The following UNC5D variants were observed in gnomAD, a reference collection of about 807,000 sequenced individuals.
UNC5D encodes netrin receptor UNC5D.
UNC5D carries 39 observed loss-of-function variants against 105.4 expected under a neutral mutation model. That is an observed-to-expected ratio of 0.37 (90% CI 0.29 to 0.48). The LOEUF is 0.48. Ranked by LOEUF, UNC5D falls within the 20% of genes least tolerant of loss-of-function variation. The pLI is 0.98. For synonymous variants in UNC5D, 452 were observed against 450.4 expected (o/e 1.00, Z -0.04); for missense variants, 991 against 1,202.4 (o/e 0.82, Z 2.60).
chr8:35,346,225 A>G (rs1042730149), intron 1 of UNC5D, among the ~76,000 whole-genome samples: 1 of 151,998 alleles, frequency 6.6e-6, no homozygotes, highest in South Asian at 2.1e-4. Context: ...TGTGGAAACA[A>G]TCGATTTTCT....
chr8:35,460,821 A>G (rs189763081), intron 1 of UNC5D, among the ~76,000 whole-genome samples: 28 of 152,192 alleles, frequency 1.8e-4, no homozygotes, highest in African/African-American at 1.9e-4. Flanking sequence ...GCTAATTTCA[A>G]TCACCCTGAC....
At chr8:35,421,487 C>T (rs969407987) in intron 1 of UNC5D, among the ~76,000 whole-genome samples, 9 of 152,032 alleles carry the variant, frequency 5.9e-5, no homozygotes, top group Non-Finnish European at 1.2e-4. Flanking sequence ...GATATTCAGG[C>T]GATAAGTACA....
At chr8:35,607,991 C>T (rs1190985832) in intron 4 of UNC5D, among the ~76,000 whole-genome samples, 3 of 152,098 alleles carry the variant, frequency 2.0e-5, no homozygotes, top group African/African-American at 7.2e-5. Flanking sequence ...TATAAGGACA[C>T]CAGCCATTAG....
At chr8:35,422,902 C>G (rs376986141) in intron 1 of UNC5D, among the ~76,000 whole-genome samples, 1 of 152,156 alleles carries the variant, frequency 6.6e-6, no homozygotes, top group Admixed American at 6.5e-5. Flanking sequence ...AAAGTGGTCA[C>G]ATGGGTAGAT....
intron 11 of UNC5D, among the ~76,000 whole-genome samples, chr8:35,746,920 G>GT (rs112264826): frequency 2.0e-5 from 3 of 151,978 alleles, no homozygotes; most frequent in Non-Finnish European, 1.5e-5. Flanking sequence ...GAATTTTATG[G>GT]TTTTTTTCCC....
chr8:35,502,553 T>TTTTG (rs1028555294), intron 1 of UNC5D, among the ~76,000 whole-genome samples: 1 of 152,226 alleles, frequency 6.6e-6, no homozygotes, highest in Non-Finnish European at 1.5e-5. Flanking sequence ...CTCTTCGTTT[T>TTTTG]TTTGTTTGTT....
intron 2 of UNC5D, among the ~76,000 whole-genome samples, chr8:35,563,550 A>G (rs1817113569): frequency 6.6e-6 from 1 of 152,068 alleles, no homozygotes; most frequent in Non-Finnish European, 1.5e-5. Context: ...ATATAAGATC[A>G]AGTCATCTAC....
chr8:35,638,153 G>T (rs914235086), intron 4 of UNC5D, among the ~76,000 whole-genome samples: 2 of 152,166 alleles, frequency 1.3e-5, no homozygotes, highest in African/African-American at 4.8e-5. Context: ...AGTGAAAGAA[G>T]ACATGTCACC....
chr8:35,556,444 C>G (rs1816555806), intron 2 of UNC5D, among the ~76,000 whole-genome samples: 1 of 152,040 alleles, frequency 6.6e-6, no homozygotes, highest in Admixed American at 6.6e-5. Flanking sequence ...GATCCAGACC[C>G]CAAGAGAGGG....
chr8:35,509,248 C>T (rs978761763), intron 1 of UNC5D, among the ~76,000 whole-genome samples: 9 of 151,664 alleles, frequency 5.9e-5, no homozygotes, highest in Non-Finnish European at 1.0e-4. Flanking sequence ...AGGAATAGCA[C>T]GAGTTATTCA....
At chr8:35,718,253 A>T (rs1482438092) in intron 8 of UNC5D, among the ~76,000 whole-genome samples, 1 of 152,218 alleles carries the variant, frequency 6.6e-6, no homozygotes, top group Non-Finnish European at 1.5e-5. Context: ...TGATATGTAA[A>T]GCTTCGTTTA....
intron 8 of UNC5D, among the ~76,000 whole-genome samples, chr8:35,711,391 G>T (rs997248505): frequency 1.6e-4 from 25 of 151,776 alleles, no homozygotes; most frequent in Non-Finnish European, 3.1e-4. Context: ...CGTTGCCCAG[G>T]CCCGTCTTGA....
chr8:35,394,310 T>C (rs1364058852), intron 1 of UNC5D, among the ~76,000 whole-genome samples: 1 of 152,190 alleles, frequency 6.6e-6, no homozygotes, highest in Non-Finnish European at 1.5e-5. Flanking sequence ...AACAGTAAAA[T>C]TCTATTTGTG....
chr8:35,274,529 C>T (rs1489167219), intron 1 of UNC5D, among the ~76,000 whole-genome samples: 2 of 152,246 alleles, frequency 1.3e-5, no homozygotes, highest in South Asian at 4.1e-4. Flanking sequence ...TAGAAGACGA[C>T]GGCCTGTGGA....
chr8:35,564,810 A>G (rs1453420161), intron 2 of UNC5D, among the ~76,000 whole-genome samples: 1 of 152,094 alleles, frequency 6.6e-6, no homozygotes, highest in East Asian at 1.9e-4. Flanking sequence ...CTGCATACCC[A>G]TGGCTTGGCT....
intron 1 of UNC5D, among the ~76,000 whole-genome samples, chr8:35,338,073 T>C (rs1455127040): frequency 6.6e-6 from 1 of 152,214 alleles, no homozygotes; most frequent in African/African-American, 2.4e-5. Context: ...CTTGCAACTT[T>C]CATTCCTTGG....
chr8:35,739,643 G>A (rs754807652), intron 11 of UNC5D, among the ~76,000 whole-genome samples: 3 of 152,088 alleles, frequency 2.0e-5, no homozygotes, highest in Non-Finnish European at 1.5e-5. Context: ...TTCAATAAGG[G>A]GAAAGTCACT....
At chr8:35,402,895 C>T (rs1042699666) in intron 1 of UNC5D, among the ~76,000 whole-genome samples, 8 of 152,172 alleles carry the variant, frequency 5.3e-5, no homozygotes, top group African/African-American at 1.9e-4. Context: ...TCTCCATATT[C>T]GTGCCTACCT....
At chr8:35,503,457 C>T (rs140951646) in intron 1 of UNC5D, among the ~76,000 whole-genome samples, 1 of 152,212 alleles carries the variant, frequency 6.6e-6, no homozygotes, top group East Asian at 1.9e-4. Context: ...CCCCATGATT[C>T]AATTATCTCC....
Sources: gnomAD v4.1 joint callset for allele counts (sites outside exome capture counted in the v4.1 genomes callset) on GRCh38, gnomAD v4.1.1 for gene constraint, MANE v1.5 for transcripts, NCBI Gene and HGNC (gene_info 2026-07-23, HGNC 2026-07-21) for gene names.